PCDHGB7: variants seen among roughly 807,000 people sequenced by gnomAD.
PCDHGB7 encodes protocadherin gamma subfamily B, 7.
In PCDHGB7, 37 loss-of-function variants were observed where a neutral mutation model predicts 61.4. That is an observed-to-expected ratio of 0.60 (90% confidence interval 0.46 to 0.79). The LOEUF (loss-of-function observed/expected upper bound fraction) is 0.79, where lower values mean the gene tolerates loss of function less well. Ranked by LOEUF, PCDHGB7 falls within the 30% of genes least tolerant of loss-of-function variation. The pLI, the probability that PCDHGB7 is intolerant of heterozygous loss-of-function variation, is 0.00. For synonymous variants in PCDHGB7, 464 were observed against 503.5 expected (o/e 0.92, Z 1.05); for missense variants, 1,166 against 1,202.5 (o/e 0.97, Z 0.45).
At chr5:141,465,983 A>G (rs1219092160) in intron 1 of PCDHGB7, among the ~76,000 whole-genome samples, 1 of 151,944 alleles carries the variant, frequency 6.6e-6, no homozygotes, top group East Asian at 1.9e-4. Context: ...TTAGCCGGGC[A>G]TGGTGGCAGG....
chr5:141,501,381 T>A (rs1261533671), intron 2 of PCDHGB7, among the ~76,000 whole-genome samples: 4 of 151,750 alleles, frequency 2.6e-5, no homozygotes, highest in African/African-American at 9.7e-5. Flanking sequence ...TCTTAAATCC[T>A]AGGTCCTGTC....
intron 1 of PCDHGB7, chr5:141,422,104 T>C: frequency 6.2e-7 from 1 of 1,607,960 alleles, no homozygotes; most frequent in Non-Finnish European, 8.5e-7. Context: ...TTCTGAAATA[T>C]TCCAATTGGA....
chr5:141,477,344 A>C lies in PCDHGB7; in HGVS notation c.2416-17463A>C. On this transcript the variant is annotated intron_variant, in intron 1 of 3. Coordinates refer to ENST00000398594, the MANE Select transcript of PCDHGB7 (RefSeq NM_018927.4). The surrounding 1 kb of genome is among the most constrained non-coding windows in gnomAD (Gnocchi z 4.9). Reference sequence around the variant, plus strand: ...TTCCCTCAAGAATTACTTCACTTTGAAAACCAGTGCAGACCTGGATCGGGA... The same window carrying C: ...TTCCCTCAAGAATTACTTCACTTTGCAAACCAGTGCAGACCTGGATCGGGA... 6.2e-7 allele frequency: 1 copy of C among 1,614,154 alleles called. No homozygotes were observed. The highest frequency in any genetic ancestry group is 8.5e-7 in the Non-Finnish European group (1 of 1,180,034).
At chr5:141,461,501 T>A (rs113852528) in intron 1 of PCDHGB7, among the ~76,000 whole-genome samples, 4 of 152,310 alleles carry the variant, frequency 2.6e-5, no homozygotes, top group South Asian at 2.1e-4. Context: ...TTATTTTTCT[T>A]GGTGATTTGT....
rs374663576 is a variant in PCDHGB7, at chr5:141,489,905, G to T, written c.2416-4902G>T. On this transcript the variant is annotated intron_variant, in intron 1 of 3. Coordinates refer to ENST00000398594, the MANE Select transcript of PCDHGB7 (RefSeq NM_018927.4). The surrounding 1 kb of genome is among the most constrained non-coding windows in gnomAD (Gnocchi z 4.5). ...GCTGTGGATGGGGGGACCCCAGCCC[G>T]CTCAGGGACCACCCTTATCTCTGTC... The T allele has an allele frequency of 9.7e-5, 156 of 1,614,226 alleles. 3 individuals are homozygous for T. The South Asian group carries it at 1.6e-3, about 16-fold the overall frequency.
rs144203659 is a variant in PCDHGB7, at chr5:141,431,011, G to A, written c.2415+10737G>A. The A allele has an allele frequency of 1.5e-5, 24 of 1,613,168 alleles. No individual in the cohort carries two copies. The highest frequency in any genetic ancestry group is 1.7e-5 in the Non-Finnish European group (20 of 1,179,310). ...CCCTGAATCCGCGCAGCGGCAGCTTGGTCACGGCGGGCAGGATAGACCGGG... is the reference window on the plus strand; with the variant it reads ...CCCTGAATCCGCGCAGCGGCAGCTTAGTCACGGCGGGCAGGATAGACCGGG... On this transcript the variant is annotated intron_variant, in intron 1 of 3. Transcript: ENST00000398594. This position sits in a 1 kb window ranked among gnomAD's most constrained non-coding sequence, Gnocchi z 4.8.
At chr5:141,473,375 T>C (rs1433212994) in intron 1 of PCDHGB7, among the ~76,000 whole-genome samples, 1 of 152,192 alleles carries the variant, frequency 6.6e-6, no homozygotes, top group African/African-American at 2.4e-5. Flanking sequence ...AATAGCATGG[T>C]CCCTGCCCTC....
At chr5:141,446,296 G>A (rs2098497546) in intron 1 of PCDHGB7, among the ~76,000 whole-genome samples, 1 of 152,160 alleles carries the variant, frequency 6.6e-6, no homozygotes, top group Non-Finnish European at 1.5e-5. Context: ...GGGGAGCAGG[G>A]ATTAAGAGTG....
chr5:141,460,455 A>AT (rs2098989699), intron 1 of PCDHGB7, among the ~76,000 whole-genome samples: 1 of 152,080 alleles, frequency 6.6e-6, no homozygotes, highest in Non-Finnish European at 1.5e-5. Flanking sequence ...GAAGATTCAT[A>AT]TTTTTTTCCA....
At chr5:141,428,727 A>G (rs1348450181) in intron 1 of PCDHGB7, 1 of 160,588 alleles carries the variant, frequency 6.2e-6, no homozygotes, top group Non-Finnish European at 1.4e-5. Context: ...AAAATCTTAA[A>G]CATATTATAT....
At position 141,486,028 on chromosome 5, in the gene PCDHGB7, C is replaced by T; in HGVS notation, c.2416-8779C>T. On this transcript the variant is annotated intron_variant, in intron 1 of 3. Transcript: ENST00000398594. This position sits in a 1 kb window ranked among gnomAD's most constrained non-coding sequence, Gnocchi z 5.0. ...TCACCTTTTATTTCAGTGGTCATAC[C>T]CCTGATCGTGTAAGAAACCTCTTTA... The T allele has an allele frequency of 6.2e-7, 1 of 1,614,134 alleles. No individual in the cohort carries two copies. Among genetic ancestry groups the T allele is most frequent in the Non-Finnish European group, 8.5e-7 (1 of 1,180,020 alleles).
At chr5:141,420,651 T>A (rs1357679146) in intron 1 of PCDHGB7, among the ~76,000 whole-genome samples, 1 of 152,274 alleles carries the variant, frequency 6.6e-6, no homozygotes, top group East Asian at 1.9e-4. Flanking sequence ...GTAAGAATTA[T>A]AGTTAGGCAT....
At position 141,486,370 on chromosome 5, in the gene PCDHGB7, T is replaced by C. The variant is rs755925357; in HGVS notation, c.2416-8437T>C. Reference sequence around the variant, plus strand: ...ACCACTTGCCATTTGCCCTCAAGTCTGCCTTCAGGAACCAGTTCTCCCTGG... The same window carrying C: ...ACCACTTGCCATTTGCCCTCAAGTCCGCCTTCAGGAACCAGTTCTCCCTGG... On this transcript the variant is annotated intron_variant, in intron 1 of 3. Coordinates refer to ENST00000398594, the MANE Select transcript of PCDHGB7 (RefSeq NM_018927.4). The surrounding 1 kb of genome is among the most constrained non-coding windows in gnomAD (Gnocchi z 5.0). 8 of 1,613,988 alleles carry C rather than the reference T, an allele frequency of 5.0e-6. No individual in the cohort carries two copies. The Admixed American group carries it at 1.3e-4, about 27-fold the overall frequency.
intron 3 of PCDHGB7, among the ~76,000 whole-genome samples, chr5:141,508,761 C>G (rs943236216): frequency 6.6e-6 from 1 of 151,974 alleles, no homozygotes; most frequent in Admixed American, 6.6e-5. Context: ...TCTGGCGCCT[C>G]TGAGGTCCCC....
intron 1 of PCDHGB7, chr5:141,422,851 C>A (rs1459531183): frequency 1.2e-6 from 2 of 1,614,122 alleles, no homozygotes; most frequent in African/African-American, 1.3e-5. Flanking sequence ...CGGGGACCCG[C>A]CCCTCAGCAG....
chr5:141,466,016 G>A (rs1592991828), intron 1 of PCDHGB7, among the ~76,000 whole-genome samples: 2 of 152,032 alleles, frequency 1.3e-5, no homozygotes, highest in East Asian at 3.9e-4. Flanking sequence ...CAGCTACTCG[G>A]GAGGGTGAGG....
At chr5:141,470,983 C>G (rs1486663328) in intron 1 of PCDHGB7, among the ~76,000 whole-genome samples, 2 of 151,528 alleles carry the variant, frequency 1.3e-5, no homozygotes, top group African/African-American at 4.9e-5. Context: ...TCCCAAAGTG[C>G]TGGGACTACA....
intron 3 of PCDHGB7, among the ~76,000 whole-genome samples, chr5:141,509,808 G>A (rs905531504): frequency 3.9e-5 from 6 of 152,028 alleles, no homozygotes; most frequent in Non-Finnish European, 7.4e-5. Context: ...TCATAGAGCC[G>A]AGCTCTTCTC....
At chr5:141,458,064 C>T (rs886724551) in intron 1 of PCDHGB7, among the ~76,000 whole-genome samples, 14 of 152,104 alleles carry the variant, frequency 9.2e-5, no homozygotes, top group East Asian at 3.9e-4. Context: ...TGCACTGATG[C>T]GAACAACTAT....
Sources: allele counts gnomAD v4.1 joint callset (sites outside exome capture counted in the v4.1 genomes callset), GRCh38; gene constraint gnomAD v4.1.1; non-coding constraint Gnocchi (gnomAD v3.1); transcripts MANE v1.5; gene names NCBI Gene and HGNC (gene_info 2026-07-23, HGNC 2026-07-21).